The following FMN2 variants were observed in gnomAD, a reference collection of about 807,000 sequenced individuals.
FMN2 encodes the protein formin 2, also known as formin-2.
In FMN2, 51 loss-of-function variants were observed where a neutral mutation model predicts 142.3. That is an observed-to-expected ratio of 0.36 (90% CI 0.29 to 0.45). FMN2 has a LOEUF of 0.45. FMN2 is among the 20% of genes least tolerant of loss of function. The pLI, the probability that FMN2 is intolerant of heterozygous loss-of-function variation, is 1.00. For missense variants in FMN2, 1,936 were observed against 2,122.8 expected (o/e 0.91, Z 1.73); for synonymous variants, 882 against 869.8 (o/e 1.01, Z -0.25).
chr1:240,415,893 G>C (rs12076823), intron 15 of FMN2, among the ~76,000 whole-genome samples: 2,138 of 152,218 alleles, frequency 0.014, 55 homozygotes, highest in African/African-American at 0.05. Flanking sequence ...AGATATATTC[G>C]TTTTGGAAGA....
At chr1:240,177,685 T>A (rs566703164) in intron 2 of FMN2, among the ~76,000 whole-genome samples, 1 of 152,266 alleles carries the variant, frequency 6.6e-6, no homozygotes, top group Non-Finnish European at 1.5e-5. Flanking sequence ...AGGCGTAGGT[T>A]TTACTATAGA....
intron 15 of FMN2, among the ~76,000 whole-genome samples, chr1:240,415,213 G>A (rs1393436697): frequency 6.6e-6 from 1 of 152,130 alleles, no homozygotes; most frequent in African/African-American, 2.4e-5. Context: ...GCCATAAAAA[G>A]GATGATTTCA....
At chr1:240,159,963 A>G (rs199580209) in intron 2 of FMN2, among the ~76,000 whole-genome samples, 27 of 117,246 alleles carry the variant, frequency 2.3e-4, no homozygotes, top group African/African-American at 7.8e-4. Flanking sequence ...ATATCTGTGT[A>G]TATATATATA....
At position 240,207,016 on chromosome 1, in the gene FMN2, A is replaced by G; in HGVS notation, c.2204A>G (p.His735Arg). The G allele has an allele frequency of 6.2e-7, 1 of 1,614,210 alleles. No homozygotes were observed. Among genetic ancestry groups the G allele is most frequent in the African/African-American group, 1.3e-5 (1 of 75,064 alleles). ...AGGTTAGAAGAAAAGGAAGTACGGC[A>G]TCATAGGATTTTAGAGGCGAAATCG... is the stretch of plus-strand genomic sequence containing the variant. ...ALRLEEKEVR[H>R]HRILEAKSIQ... The change falls in exon 5 of 18, where the codon CAT (histidine) becomes CGT (arginine). Residue 735 changes from histidine to arginine, a missense_variant. His to Arg is a conservative substitution (Grantham distance 29). Around this residue, in one of 8 missense-constraint regions of FMN2, gnomAD observed 478 missense variants for 462.8 expected, o/e 1.03. Coordinates refer to ENST00000319653, the MANE Select transcript of FMN2 (RefSeq NM_020066.5).
intron 7 of FMN2, among the ~76,000 whole-genome samples, chr1:240,262,216 C>A (rs529345093): frequency 6.6e-6 from 1 of 151,878 alleles, no homozygotes; most frequent in African/African-American, 2.4e-5. Context: ...TTGGCCCCTC[C>A]CACCGTGAAA....
At chr1:240,178,935 TAG>T (rs931084138) in intron 3 of FMN2, among the ~76,000 whole-genome samples, 5 of 152,066 alleles carry the variant, frequency 3.3e-5, no homozygotes, top group Non-Finnish European at 7.3e-5. Flanking sequence ...CATTGGCTCA[TAG>T]AGAGGAAGAC....
chr1:240,123,162 C>T lies in FMN2; in HGVS notation c.1616-17C>T. On this transcript the variant is annotated splice_polypyrimidine_tract_variant and intron_variant, in intron 1 of 17. Transcript: ENST00000319653. ...GATCGGCAGTGCTCGCTCTTAATGA[C>T]TGTGTTTCATCTGCAGGGCGAACGC... 6.2e-7 allele frequency: 1 copy of T among 1,613,800 alleles called. No homozygotes were observed. The highest frequency in any genetic ancestry group is 8.5e-7 in the Non-Finnish European group (1 of 1,179,862).
chr1:240,375,187 A>G (rs559741159), intron 14 of FMN2, among the ~76,000 whole-genome samples: 3 of 152,224 alleles, frequency 2.0e-5, no homozygotes, highest in African/African-American at 2.4e-5. Context: ...AATTTTAATA[A>G]ATACATCAAA....
At chr1:240,122,085 T>TAAA (rs1352331831) in intron 1 of FMN2, among the ~76,000 whole-genome samples, 3 of 145,694 alleles carry the variant, frequency 2.1e-5, no homozygotes, top group African/African-American at 7.5e-5. Flanking sequence ...AATTTATTTA[T>TAAA]TTATTTATGA....
intron 14 of FMN2, among the ~76,000 whole-genome samples, chr1:240,366,702 T>C (rs12724950): frequency 0.62 from 93,576 of 151,692 alleles, 29,069 homozygotes; most frequent in African/African-American, 0.69. Flanking sequence ...CAGGCATGAG[T>C]CACCACACCT....
intron 1 of FMN2, among the ~76,000 whole-genome samples, chr1:240,121,631 C>A (rs566679656): frequency 6.7e-6 from 1 of 149,818 alleles, no homozygotes; most frequent in South Asian, 2.1e-4. Flanking sequence ...CCTCGTGATC[C>A]GCCAGCCTCG....
chr1:240,245,109 G>T (rs1668035100), intron 6 of FMN2, among the ~76,000 whole-genome samples: 1 of 152,180 alleles, frequency 6.6e-6, no homozygotes, highest in Admixed American at 6.5e-5. Flanking sequence ...GTCAGCTCCT[G>T]TAAGAGTTCT....
At chr1:240,262,879 GC>G (rs558625923) in intron 7 of FMN2, among the ~76,000 whole-genome samples, 7 of 147,982 alleles carry the variant, frequency 4.7e-5, no homozygotes, top group Non-Finnish European at 7.4e-5. Flanking sequence ...TTATCCCTCA[GC>G]CCCCCGAGTA....
At chr1:240,373,110 G>T (rs754680099) in intron 14 of FMN2, among the ~76,000 whole-genome samples, 12 of 150,924 alleles carry the variant, frequency 8.0e-5, no homozygotes, top group East Asian at 3.9e-4. Flanking sequence ...CTTGAACCCA[G>T]GAGGTGGAGT....
At position 240,329,156 on chromosome 1, in the gene FMN2, C is replaced by A; in HGVS notation, c.4296C>A (p.Asp1432Glu). The A allele has an allele frequency of 6.2e-7, 1 of 1,614,072 alleles. No individual in the cohort carries two copies. Among genetic ancestry groups the A allele is most frequent in the Non-Finnish European group, 8.5e-7 (1 of 1,179,966 alleles). The change falls in exon 9 of 18, where the codon GAC becomes GAA. Residue 1432 changes from aspartate (D) to glutamate (E), a missense_variant. Transcript: ENST00000319653. ...ACAAGGAAAATGCCAAGTCTCTGGA[C>A]AAACCTGAACAGTAAGCATGTCTTA... ...SKDKENAKSLDKPEQFLYELS... is the reference protein window; with the variant it reads ...SKDKENAKSLEKPEQFLYELS...
intron 2 of FMN2, among the ~76,000 whole-genome samples, chr1:240,166,830 C>G (rs1489066724): frequency 6.6e-6 from 1 of 152,154 alleles, no homozygotes; most frequent in Non-Finnish European, 1.5e-5. Context: ...TGGTTCAAAA[C>G]AGATGGGTTG....
chr1:240,268,556 G>T (rs115147097), intron 7 of FMN2, among the ~76,000 whole-genome samples: 1 of 152,006 alleles, frequency 6.6e-6, no homozygotes, highest in African/African-American at 2.4e-5. Flanking sequence ...AGGTAGTGGG[G>T]GAAGAAGTTT....
chr1:240,297,682 A>C (rs1670040982), intron 8 of FMN2, among the ~76,000 whole-genome samples: 1 of 151,966 alleles, frequency 6.6e-6, no homozygotes, highest in Non-Finnish European at 1.5e-5. Flanking sequence ...TAAATTTATG[A>C]CTCAGGACAA....
rs1448464080 is a variant in FMN2 at position 240,473,361 on chromosome 1, CT to C, written c.5143-763del. Among the ~76,000 whole-genome samples the C allele has an allele frequency of 6.6e-6, 1 of 152,112 alleles. No individual in the cohort carries two copies. Among genetic ancestry groups the C allele is most frequent in the Non-Finnish European group, 1.5e-5 (1 of 68,012 alleles). On this transcript the variant is annotated intron_variant, in intron 17 of 17. Coordinates refer to ENST00000319653, the MANE Select transcript of FMN2 (RefSeq NM_020066.5). The surrounding 1 kb of genome is among the most constrained non-coding windows in gnomAD (Gnocchi z 4.3). ...GAAGGGCTTGGTTAAAATGACAAGG[CT>C]TTTCCTTGTGATACTGAGGATGTTT...
Sources: allele counts gnomAD v4.1 joint callset (sites outside exome capture counted in the v4.1 genomes callset), GRCh38; gene constraint gnomAD v4.1.1; regional missense constraint gnomAD v4.1.1; non-coding constraint Gnocchi (gnomAD v3.1); transcripts MANE v1.5; gene names NCBI Gene and HGNC (gene_info 2026-07-23, HGNC 2026-07-21).